Variants in BMP7 observed in about 807,000 individuals in gnomAD.
The protein encoded by BMP7 is osteogenic protein 1.
A neutral mutation model predicts 41.2 loss-of-function variants in BMP7; 12 were observed. The ratio of observed to expected loss-of-function variants is 0.29; its 90% confidence interval spans 0.19 to 0.47. The LOEUF is 0.47. Ranked by LOEUF, BMP7 falls within the 20% of genes least tolerant of loss-of-function variation. The pLI is 0.99. For synonymous variants in BMP7, 248 were observed against 250.0 expected (o/e 0.99, Z 0.07); for missense variants, 467 against 606.0 (o/e 0.77, Z 2.41).
In BMP7 at chr20:57,174,115, G is replaced by A. The variant is rs1363472032; in HGVS notation, c.1036-805C>T. The stretch of plus-strand genomic sequence containing the variant: ...CTCAGAGCTGGCTGTGTGCACGTAC[G>A]CCCTGAGTGTGTCTGGGCATAATCC... On this transcript the variant is annotated intron_variant, in intron 5 of 6. Coordinates refer to ENST00000395863, the MANE Select transcript of BMP7 (RefSeq NM_001719.3). The surrounding 1 kb of genome is among the most constrained non-coding windows in gnomAD (Gnocchi z 4.3). Among the ~76,000 whole-genome samples the A allele has an allele frequency of 2.6e-5, 4 of 152,136 alleles. No homozygotes were observed. Among genetic ancestry groups the A allele is most frequent in the African/African-American group, 7.2e-5 (3 of 41,416 alleles).
chr20:57,213,000 A>G (rs954383512), intron 2 of BMP7, among the ~76,000 whole-genome samples: 3 of 152,252 alleles, frequency 2.0e-5, no homozygotes, highest in African/African-American at 7.2e-5. Flanking sequence ...TTAAAAATAC[A>G]CTTTCTTGAA....
intron 1 of BMP7, among the ~76,000 whole-genome samples, chr20:57,256,749 G>A (rs988236609): frequency 2.0e-5 from 3 of 152,100 alleles, no homozygotes; most frequent in Admixed American, 6.5e-5. Context: ...TTAGCTGGGC[G>A]TGGTGGTGGG....
intron 2 of BMP7, among the ~76,000 whole-genome samples, chr20:57,225,526 C>T (rs1334548689): frequency 2.0e-5 from 3 of 152,046 alleles, no homozygotes; most frequent in African/African-American, 4.8e-5. Flanking sequence ...CAATTATTAT[C>T]CCCATTTTAC....
intron 3 of BMP7, among the ~76,000 whole-genome samples, chr20:57,201,310 G>A (rs1000940757): frequency 2.6e-5 from 4 of 152,210 alleles, no homozygotes; most frequent in African/African-American, 4.8e-5. Context: ...ATTGTCCAAC[G>A]TCACACAGTG....
intron 2 of BMP7, among the ~76,000 whole-genome samples, chr20:57,219,376 C>G (rs1350906730): frequency 2.3e-5 from 3 of 130,672 alleles, no homozygotes; most frequent in Non-Finnish European, 4.8e-5. Flanking sequence ...TCGGCTGTGT[C>G]ACCCAGAGGT....
intron 1 of BMP7, among the ~76,000 whole-genome samples, chr20:57,241,529 C>T (rs1381862203): frequency 1.3e-5 from 2 of 152,232 alleles, no homozygotes; most frequent in Admixed American, 1.3e-4. Context: ...TCCTGAACTG[C>T]TTCAACTCTC....
At chr20:57,255,799 CAAAAAAAAAAAAAAAA>C (rs3067106) in intron 1 of BMP7, among the ~76,000 whole-genome samples, 1 of 48,624 alleles carries the variant, frequency 2.1e-5, no homozygotes, top group Admixed American at 3.6e-4. Context: ...GACTCCATCT[CAAAAAAAAAAAAAAAA>C]AAAAAAAAAG....
At chr20:57,265,650 CCAGTCT>C (rs1287312943) in intron 1 of BMP7, 49 bp downstream of exon 1, 162 of 1,557,334 alleles carry the variant, frequency 1.0e-4, no homozygotes, top group South Asian at 4.6e-4. Context: ...TCCCTCCCTC[CCAGTCT>C]CAAAGTGCCC....
chr20:57,227,558 G>T (rs933508586), intron 2 of BMP7, among the ~76,000 whole-genome samples: 1 of 152,098 alleles, frequency 6.6e-6, no homozygotes, highest in Admixed American at 6.5e-5. Flanking sequence ...GCCCAGTGGG[G>T]ACGGTAGATG....
intron 1 of BMP7, among the ~76,000 whole-genome samples, chr20:57,245,161 T>C (rs1468349926): frequency 6.6e-6 from 1 of 152,114 alleles, no homozygotes; most frequent in Non-Finnish European, 1.5e-5. Flanking sequence ...TGGGGCAGAT[T>C]TGGTGGGAAC....
At chr20:57,245,277 CT>C (rs148062503) in intron 1 of BMP7, among the ~76,000 whole-genome samples, 2,164 of 152,252 alleles carry the variant, frequency 0.014, 42 homozygotes, top group African/African-American at 0.05. Context: ...CATGGTTGTC[CT>C]TTAAACCTCT....
intron 3 of BMP7, among the ~76,000 whole-genome samples, chr20:57,200,328 G>A (rs1241651813): frequency 6.6e-6 from 1 of 152,228 alleles, no homozygotes; most frequent in Non-Finnish European, 1.5e-5. Flanking sequence ...AACCTGGGGA[G>A]CCTGGCTCGG....
At chr20:57,177,399 G>A (rs902550857) in intron 4 of BMP7, among the ~76,000 whole-genome samples, 1 of 152,068 alleles carries the variant, frequency 6.6e-6, no homozygotes, top group Non-Finnish European at 1.5e-5. Context: ...CCAGGCTGGA[G>A]TACAGTGGTG....
At chr20:57,222,402 C>A (rs1985209331) in intron 2 of BMP7, among the ~76,000 whole-genome samples, 1 of 152,168 alleles carries the variant, frequency 6.6e-6, no homozygotes, top group African/African-American at 2.4e-5. Flanking sequence ...GTGTCTCTGG[C>A]ATTAACTGGA....
intron 3 of BMP7, among the ~76,000 whole-genome samples, chr20:57,185,909 C>T (rs899944754): frequency 1.3e-5 from 2 of 151,138 alleles, no homozygotes; most frequent in Non-Finnish European, 2.9e-5. Flanking sequence ...CTTTGCATAC[C>T]CTAAGTGCTC....
At chr20:57,260,630 G>T (rs2066150322) in intron 1 of BMP7, among the ~76,000 whole-genome samples, 1 of 152,200 alleles carries the variant, frequency 6.6e-6, no homozygotes, top group Admixed American at 6.5e-5. Context: ...TCAATATATT[G>T]ATTTTACCAG....
intron 1 of BMP7, among the ~76,000 whole-genome samples, chr20:57,252,106 G>A (rs1209023801): frequency 2.6e-5 from 4 of 152,320 alleles, no homozygotes; most frequent in East Asian, 1.9e-4. Flanking sequence ...CAACCCTGTC[G>A]CAGCGGCAGT....
At chr20:57,207,626 G>A (rs866207477) in intron 2 of BMP7, among the ~76,000 whole-genome samples, 4 of 151,736 alleles carry the variant, frequency 2.6e-5, no homozygotes, top group Non-Finnish European at 4.4e-5. Flanking sequence ...TCAAAGGACC[G>A]TATAAATCTA....
intron 1 of BMP7, among the ~76,000 whole-genome samples, chr20:57,231,495 G>C (rs2066029307): frequency 6.6e-6 from 1 of 152,210 alleles, no homozygotes; most frequent in Non-Finnish European, 1.5e-5. Flanking sequence ...AGGTGGAAGA[G>C]ACCAGGTCTG....
Sources: gnomAD v4.1 joint callset for allele counts (sites outside exome capture counted in the v4.1 genomes callset) on GRCh38, gnomAD v4.1.1 for gene constraint, Gnocchi (gnomAD v3.1) non-coding constraint, MANE v1.5 for transcripts, NCBI Gene and HGNC (gene_info 2026-07-23, HGNC 2026-07-21) for gene names.